Variants in TMTC1 observed in about 807,000 individuals in gnomAD.
TMTC1 encodes the protein protein O-mannosyl-transferase TMTC1.
Under a neutral mutation model 104.8 loss-of-function variants are expected in TMTC1, and 73 were observed. The observed-to-expected ratio is 0.70, with a 90% CI of 0.58 to 0.85. The LOEUF (loss-of-function observed/expected upper bound fraction) is 0.85. Among genes scored for constraint, TMTC1 ranks in the 40% least tolerant of loss-of-function variants. TMTC1 has a pLI of 0.00. For missense variants in TMTC1, 1,035 were observed against 1,096.1 expected (o/e 0.94, Z 0.79); for synonymous variants, 434 against 428.7 (o/e 1.01, Z -0.15).
At chr12:29,706,276 T>G (rs1306150178) in intron 5 of TMTC1, among the ~76,000 whole-genome samples, 1 of 152,130 alleles carries the variant, frequency 6.6e-6, no homozygotes, top group Non-Finnish European at 1.5e-5. Context: ...AAGGTTTAGA[T>G]GGGGAGAGAT....
At chr12:29,571,865 CAATGA>C (rs1458009891) in intron 9 of TMTC1, among the ~76,000 whole-genome samples, 1 of 152,122 alleles carries the variant, frequency 6.6e-6, no homozygotes, top group Non-Finnish European at 1.5e-5. Flanking sequence ...TAATGTATAG[CAATGA>C]AAAGTTTCAC....
intron 5 of TMTC1, among the ~76,000 whole-genome samples, chr12:29,715,998 ATT>A (rs1942067961): frequency 1.4e-5 from 1 of 73,210 alleles, no homozygotes; most frequent in Non-Finnish European, 2.7e-5. Flanking sequence ...TATTATTATT[ATT>A]ATTATTATTA....
chr12:29,755,689 A>C lies in TMTC1; in HGVS notation c.731+20T>G. ...TGCCCATGACATGCCATTTGATATC[A>C]AAACTGTAAAATGACTTACGACTTG... On this transcript the variant is annotated intron_variant, in intron 4 of 17. Coordinates refer to ENST00000539277, the MANE Select transcript of TMTC1 (RefSeq NM_001193451.2). 4 of 1,604,540 alleles carry C rather than the reference A, an allele frequency of 2.5e-6. No individual in the cohort carries two copies. The highest frequency in any genetic ancestry group is 1.7e-5 in the Admixed American group (1 of 59,108).
At chr12:29,511,023 C>G (rs1330218001) in intron 17 of TMTC1, among the ~76,000 whole-genome samples, 1 of 152,200 alleles carries the variant, frequency 6.6e-6, no homozygotes, top group Admixed American at 6.5e-5. Context: ...TGCTCTTTCC[C>G]TATTTCGCCA....
chr12:29,583,451 A>C lies in TMTC1; in HGVS notation c.1374T>G (p.Thr458=), dbSNP rs1946039173. 4 of 1,613,962 alleles carry C rather than the reference A, an allele frequency of 2.5e-6. No individual in the cohort carries two copies. The highest frequency in any genetic ancestry group is 3.3e-4 in the Middle Eastern group (2 of 6,058). The part of the protein sequence containing the change: ...VLLLLLFSWK[T]VKQNEIWLSR... Reference sequence around the variant, plus strand: ...ACAGCCAAATTTCATTCTGTTTCACAGTTTTCCAAGAGAAAAGCAACAGCA... The same window carrying C: ...ACAGCCAAATTTCATTCTGTTTCACCGTTTTCCAAGAGAAAAGCAACAGCA... Residue 458 remains threonine, a synonymous_variant, in exon 8 of 18, where the codon ACT becomes ACG. Coordinates refer to ENST00000539277, the MANE Select transcript of TMTC1 (RefSeq NM_001193451.2).
intron 8 of TMTC1, among the ~76,000 whole-genome samples, chr12:29,576,925 GAAAA>G (rs1325153407): frequency 1.3e-5 from 2 of 151,932 alleles, no homozygotes; most frequent in African/African-American, 4.8e-5. Context: ...TTAAAAAAAG[GAAAA>G]AGAAAGAACA....
intron 8 of TMTC1, among the ~76,000 whole-genome samples, chr12:29,582,688 T>C (rs977744938): frequency 3.9e-5 from 6 of 152,308 alleles, no homozygotes; most frequent in Middle Eastern, 6.8e-3. Flanking sequence ...TTCAATTGTT[T>C]GCCCCCAAAG....
chr12:29,730,443 C>T (rs1942516809), intron 5 of TMTC1, among the ~76,000 whole-genome samples: 1 of 152,150 alleles, frequency 6.6e-6, no homozygotes, highest in African/African-American at 2.4e-5. Context: ...GGTCATCTTT[C>T]CACACCTGCT....
chr12:29,593,906 G>C (rs369078170), intron 7 of TMTC1, among the ~76,000 whole-genome samples: 1 of 152,220 alleles, frequency 6.6e-6, no homozygotes. Context: ...CTTCATAAGC[G>C]TAGTTGAACC....
At chr12:29,647,450 AT>A (rs1939317785) in intron 5 of TMTC1, among the ~76,000 whole-genome samples, 2 of 152,224 alleles carry the variant, frequency 1.3e-5, no homozygotes, top group Non-Finnish European at 2.9e-5. Flanking sequence ...CAAAAGAAAC[AT>A]TTTAATTCAA....
In TMTC1 at chr12:29,506,174, C is replaced by T. The variant is rs762715423; in HGVS notation, c.*672G>A. 6.6e-6 allele frequency: 1 copy of T among 152,048 alleles called. No homozygotes were observed. Among genetic ancestry groups the T allele is most frequent in the African/African-American group, 2.4e-5 (1 of 41,396 alleles). 9.4% of individuals were successfully genotyped at this position (152,048 alleles called of 1,614,324 possible). A position where few individuals can be genotyped will look rare whatever the true frequency, so the allele number is the denominator to read the frequency against. On this transcript the variant is annotated 3_prime_UTR_variant, in exon 18 of 18. Transcript: ENST00000539277. ...ACACTTCCATAAAGAATTAGGGGTG[C>T]CCAGCTCCTTGATTTCCCCCTAGGG...
At chr12:29,763,969 A>G (rs891324706) in intron 2 of TMTC1, among the ~76,000 whole-genome samples, 11 of 152,252 alleles carry the variant, frequency 7.2e-5, no homozygotes, top group Admixed American at 5.2e-4. Context: ...AACTGGAGCC[A>G]GTTGATTTTA....
intron 5 of TMTC1, among the ~76,000 whole-genome samples, chr12:29,647,040 T>C (rs1434212041): frequency 6.6e-6 from 1 of 152,208 alleles, no homozygotes; most frequent in Admixed American, 6.5e-5. Flanking sequence ...TGTTTCTTTT[T>C]GAGACAGAAT....
Position 29,599,993 on chromosome 12 carries a change from C to T in TMTC1, c.1250+4185G>A, listed in dbSNP as rs55979681. Reference sequence around the variant, plus strand: ...ATGTGTGTGTGTGTGTGTGTATATACATATATATATATATATTTTTTTTTT... The same window carrying T: ...ATGTGTGTGTGTGTGTGTGTATATATATATATATATATATATTTTTTTTTT... On this transcript the variant is annotated intron_variant, in intron 7 of 17. Coordinates refer to ENST00000539277, the MANE Select transcript of TMTC1 (RefSeq NM_001193451.2). 7.1e-4 allele frequency among the ~76,000 whole-genome samples: 58 copies of T among 81,770 alleles called. 1 individual carries two copies. The highest frequency in any genetic ancestry group is 3.2e-3 in the African/African-American group (49 of 15,082). 53.6% of individuals were successfully genotyped at this position (81,770 alleles called of 152,430 possible).
At chr12:29,617,823 G>T (rs1309236671) in intron 6 of TMTC1, among the ~76,000 whole-genome samples, 1 of 152,162 alleles carries the variant, frequency 6.6e-6, no homozygotes, top group Non-Finnish European at 1.5e-5. Context: ...GGGGTTGGAT[G>T]GGACCAGCAC....
intron 5 of TMTC1, among the ~76,000 whole-genome samples, chr12:29,739,633 AG>A (rs1236515306): frequency 6.6e-6 from 1 of 152,156 alleles, no homozygotes; most frequent in African/African-American, 2.4e-5. Context: ...TATTTCTTGC[AG>A]AGAACTGAAC....
intron 5 of TMTC1, among the ~76,000 whole-genome samples, chr12:29,641,504 T>A (rs1938851629): frequency 6.6e-6 from 1 of 152,036 alleles, no homozygotes; most frequent in South Asian, 2.1e-4. Flanking sequence ...ATCACTGCAG[T>A]TTGGCTCACA....
intron 5 of TMTC1, among the ~76,000 whole-genome samples, chr12:29,678,702 C>CTT (rs1940813045): frequency 6.6e-6 from 1 of 151,826 alleles, no homozygotes; most frequent in African/African-American, 2.4e-5. Flanking sequence ...CATCAAAAAG[C>CTT]AAGGAGAAAT....
intron 6 of TMTC1, among the ~76,000 whole-genome samples, chr12:29,606,979 C>T (rs538902564): frequency 2.6e-5 from 4 of 152,044 alleles, no homozygotes; most frequent in Non-Finnish European, 5.9e-5. Flanking sequence ...TCCTGCCCCC[C>T]CCCCTCACTC....
Sources: gnomAD v4.1 joint callset for allele counts (sites outside exome capture counted in the v4.1 genomes callset) on GRCh38, gnomAD v4.1.1 for gene constraint, MANE v1.5 for transcripts, NCBI Gene and HGNC (gene_info 2026-07-23, HGNC 2026-07-21) for gene names.